The following PLS1 variants were observed in gnomAD, a reference collection of about 807,000 sequenced individuals.
PLS1 encodes the protein plastin-1.
PLS1 carries 32 observed loss-of-function variants against 73.7 expected under a neutral mutation model. The ratio of observed to expected loss-of-function variants is 0.43; its 90% CI spans 0.33 to 0.58. PLS1 has a LOEUF of 0.58. PLS1 is among the 20% of genes least tolerant of loss of function. The pLI, the probability that PLS1 is intolerant of heterozygous loss-of-function variation, is 0.04. For missense variants in PLS1, 633 were observed against 740.5 expected (o/e 0.85, Z 1.68); for synonymous variants, 217 against 261.3 (o/e 0.83, Z 1.63).
At chr3:142,654,469 C>T (rs758971548) in intron 1 of PLS1, among the ~76,000 whole-genome samples, 9 of 152,134 alleles carry the variant, frequency 5.9e-5, no homozygotes, top group Non-Finnish European at 1.3e-4. Context: ...TCTCAGCCTC[C>T]CAAGTAGTAG....
intron 4 of PLS1, among the ~76,000 whole-genome samples, chr3:142,675,370 TG>T (rs1352287431): frequency 6.8e-6 from 1 of 147,568 alleles, no homozygotes; most frequent in East Asian, 1.9e-4. Flanking sequence ...GTTTTTTGTT[TG>T]TTTTTTTGTT....
intron 1 of PLS1, among the ~76,000 whole-genome samples, chr3:142,621,623 T>C (rs956515182): frequency 6.6e-6 from 1 of 152,218 alleles, no homozygotes; most frequent in African/African-American, 2.4e-5. Flanking sequence ...GAAGAAAGAT[T>C]GAAAATTTAT....
intron 9 of PLS1, among the ~76,000 whole-genome samples, chr3:142,687,731 C>T (rs976896895): frequency 6.6e-6 from 1 of 152,032 alleles, no homozygotes; most frequent in Non-Finnish European, 1.5e-5. Flanking sequence ...GACATTACTT[C>T]ATGGATAAAT....
intron 11 of PLS1, among the ~76,000 whole-genome samples, chr3:142,697,629 C>T (rs1172989103): frequency 6.6e-6 from 1 of 152,128 alleles, no homozygotes; most frequent in Non-Finnish European, 1.5e-5. Flanking sequence ...ACATAGAGAT[C>T]TACCTTATGT....
chr3:142,684,090 A>G lies in PLS1; in HGVS notation c.664A>G (p.Lys222Glu), dbSNP rs1577888398. ...TGGTGCATCAGATCTCAAAGAAGGA[A>G]AACCTCACTTGGTCTTGGGACTTCT... ...NIGASDLKEG[K>E]PHLVLGLLWQ... is the part of the protein sequence containing the mutation. Residue 222 changes from lysine to glutamate, a missense_variant, in exon 7 of 16, where the codon AAA becomes GAA. Transcript: ENST00000457734. The G allele has an allele frequency of 6.2e-7, 1 of 1,614,046 alleles. No homozygotes were observed. Among genetic ancestry groups the G allele is most frequent in the Non-Finnish European group, 8.5e-7 (1 of 1,179,910 alleles).
At chr3:142,636,440 ATAGATTG>A (rs1321342406) in intron 1 of PLS1, among the ~76,000 whole-genome samples, 2 of 152,226 alleles carry the variant, frequency 1.3e-5, no homozygotes, top group African/African-American at 4.8e-5. Flanking sequence ...CAAACCCAAA[ATAGATTG>A]TAGACCTGAA....
intron 1 of PLS1, among the ~76,000 whole-genome samples, chr3:142,636,778 C>T (rs752907896): frequency 7.9e-5 from 12 of 151,954 alleles, no homozygotes; most frequent in Non-Finnish European, 1.6e-4. Flanking sequence ...GACACTTAAC[C>T]GAAGAAGATA....
intron 1 of PLS1, among the ~76,000 whole-genome samples, chr3:142,646,198 G>A (rs1036437983): frequency 6.6e-6 from 1 of 152,110 alleles, no homozygotes; most frequent in East Asian, 1.9e-4. Flanking sequence ...AACAGTGCTT[G>A]GCCTATAGTG....
chr3:142,660,992 G>A (rs969435581), intron 1 of PLS1, among the ~76,000 whole-genome samples: 3 of 152,116 alleles, frequency 2.0e-5, no homozygotes, highest in African/African-American at 7.2e-5. Context: ...TTTCTGTGGA[G>A]TGCAAATGCT....
At chr3:142,647,238 A>ATGGCAATGAG (rs2036971575) in intron 1 of PLS1, among the ~76,000 whole-genome samples, 1 of 152,230 alleles carries the variant, frequency 6.6e-6, no homozygotes, top group Non-Finnish European at 1.5e-5. Flanking sequence ...CTGAGAAATT[A>ATGGCAATGAG]AAAGTGATGT....
In PLS1 at chr3:142,684,158, T is replaced by A; in HGVS notation, c.732T>A (p.Ile244=). 6.2e-7 allele frequency: 1 copy of A among 1,614,066 alleles called. No individual in the cohort carries two copies. Among genetic ancestry groups the A allele is most frequent in the Non-Finnish European group, 8.5e-7 (1 of 1,179,964 alleles). Residue 244 remains isoleucine (I), a synonymous_variant, in exon 7 of 16, where the codon ATT becomes ATA. Coordinates refer to ENST00000457734, the MANE Select transcript of PLS1 (RefSeq NM_001145319.2). ...IKVGLFADIE[I]SRNEALIALL... ...TTGGCCTTTTTGCTGATATTGAGATTTCCAGGAATGAAGGTAAGATCATTA... is the reference window on the plus strand; with the variant it reads ...TTGGCCTTTTTGCTGATATTGAGATATCCAGGAATGAAGGTAAGATCATTA...
At chr3:142,611,820 C>A (rs983983353) in intron 1 of PLS1, among the ~76,000 whole-genome samples, 1 of 152,016 alleles carries the variant, frequency 6.6e-6, no homozygotes, top group Non-Finnish European at 1.5e-5. Context: ...ATATATTAGG[C>A]CTTTTTCTAA....
chr3:142,688,442 G>T (rs369683633), intron 9 of PLS1, among the ~76,000 whole-genome samples: 4 of 152,076 alleles, frequency 2.6e-5, no homozygotes, highest in African/African-American at 9.7e-5. Context: ...TTTGTGTGTG[G>T]TTGTTTGTTT....
intron 1 of PLS1, among the ~76,000 whole-genome samples, chr3:142,613,365 A>T (rs1254578891): frequency 6.6e-6 from 1 of 152,016 alleles, no homozygotes; most frequent in Admixed American, 6.5e-5. Flanking sequence ...CTGTAACCCC[A>T]GCTACTCAGG....
chr3:142,644,244 G>GGTTTTTT (rs1316089091), intron 1 of PLS1, among the ~76,000 whole-genome samples: 1 of 151,570 alleles, frequency 6.6e-6, no homozygotes, highest in Non-Finnish European at 1.5e-5. Context: ...TTCTTTGGTA[G>GGTTTTTT]GTTTTTTGTT....
At chr3:142,609,326 A>G (rs371492252) in intron 1 of PLS1, among the ~76,000 whole-genome samples, 2 of 152,184 alleles carry the variant, frequency 1.3e-5, no homozygotes, top group Admixed American at 6.5e-5. Flanking sequence ...CAGCTCACCT[A>G]TATGCAATGA....
At chr3:142,632,760 G>A (rs578123867) in intron 1 of PLS1, among the ~76,000 whole-genome samples, 3 of 152,068 alleles carry the variant, frequency 2.0e-5, no homozygotes, top group Non-Finnish European at 4.4e-5. Context: ...CACCATACCC[G>A]GCTAATTTTT....
intron 3 of PLS1, 78 bp from the exon 4 acceptor site, chr3:142,670,912 TAAA>T: frequency 1.1e-6 from 1 of 913,574 alleles, no homozygotes; most frequent in East Asian, 2.6e-5. Context: ...TCATTTCAAA[TAAA>T]GAAGTGTAAA....
At chr3:142,626,111 C>T (rs1373876342) in intron 1 of PLS1, among the ~76,000 whole-genome samples, 1 of 152,146 alleles carries the variant, frequency 6.6e-6, no homozygotes, top group African/African-American at 2.4e-5. Context: ...AAGGGGAGCT[C>T]ATAGAGATTG....
Sources: allele counts gnomAD v4.1 joint callset (sites outside exome capture counted in the v4.1 genomes callset), GRCh38; gene constraint gnomAD v4.1.1; transcripts MANE v1.5; gene names NCBI Gene and HGNC (gene_info 2026-07-23, HGNC 2026-07-21).